Variants in MAST4 observed in about 807,000 individuals in gnomAD.
The protein encoded by MAST4 is microtubule-associated serine/threonine-protein kinase 4.
In MAST4, 89 loss-of-function variants were observed where a neutral mutation model predicts 162.7. The ratio of observed to expected loss-of-function variants is 0.55; its 90% CI spans 0.46 to 0.65. MAST4 has a LOEUF of 0.65. Ranked by LOEUF, MAST4 falls within the 30% of genes least tolerant of loss-of-function variation. MAST4 has a pLI of 0.00. For synonymous variants in MAST4, 1,479 were observed against 1,361.1 expected, an observed-to-expected ratio of 1.09 and a Z score of -1.91; for missense variants, 3,153 against 3,374.0, an observed-to-expected ratio of 0.93 and a Z score of 1.62.
Position 66,596,544 on chromosome 5 carries a change from G to C in MAST4, c.-112G>C. 8.1e-7 allele frequency: 1 copy of C among 1,227,064 alleles called. No individual in the cohort carries two copies. Among genetic ancestry groups the C allele is most frequent in the Non-Finnish European group, 1.0e-6 (1 of 970,554 alleles). 76.0% of individuals were successfully genotyped at this position (1,227,064 alleles called of 1,614,324 possible). On this transcript the variant is annotated 5_prime_UTR_variant, in exon 1 of 29. Coordinates refer to ENST00000403625, the MANE Select transcript of MAST4 (RefSeq NM_001164664.2). ...TCGCTGGCGGGGCTCCCTGCAGCCC[G>C]GGAGCGGCAGTGCCAGTGAGCCTGA...
At chr5:66,820,175 G>T (rs1328073206) in intron 3 of MAST4, among the ~76,000 whole-genome samples, 2 of 151,988 alleles carry the variant, frequency 1.3e-5, no homozygotes, top group African/African-American at 4.8e-5. Flanking sequence ...AATCTCTGAT[G>T]TAGTAGCTAT....
chr5:66,868,056 A>C (rs930192149), intron 3 of MAST4, among the ~76,000 whole-genome samples: 1 of 152,234 alleles, frequency 6.6e-6, no homozygotes, highest in African/African-American at 2.4e-5. Flanking sequence ...TATGTGAACA[A>C]ACCTGTTATA....
At position 67,118,696 on chromosome 5, in the gene MAST4, G is replaced by A. The variant is rs375086806; in HGVS notation, c.1606G>A (p.Gly536Arg). 191 of 1,572,266 alleles carry A rather than the reference G, an allele frequency of 1.2e-4. 1 individual carries two copies. The South Asian group carries it at 2.1e-3, about 17-fold the overall frequency. ...TTCCAACTTAGAAATGGCTCATTTGGGAAACTACGATAGTGGGACAGCAGA... is the reference window on the plus strand; with the variant it reads ...TTCCAACTTAGAAATGGCTCATTTGAGAAACTACGATAGTGGGACAGCAGA... ...KDPLEEMAHL[G>R]NYDSGTAETP... Residue 536 changes from glycine to arginine, a missense_variant, in exon 13 of 29, where the codon GGA becomes AGA. Gly to Arg is a moderately radical substitution (Grantham distance 125). This residue lies in a region of MAST4 where 360 missense variants were observed against 450.0 expected (regional missense o/e 0.80). Coordinates refer to ENST00000403625, the MANE Select transcript of MAST4 (RefSeq NM_001164664.2).
At chr5:66,709,377 G>T (rs956513554) in intron 1 of MAST4, among the ~76,000 whole-genome samples, 1 of 152,140 alleles carries the variant, frequency 6.6e-6, no homozygotes, top group Non-Finnish European at 1.5e-5. Flanking sequence ...GTGCAGAGGT[G>T]CAATCATAGC....
At chr5:67,026,741 T>A (rs1754696361) in intron 4 of MAST4, among the ~76,000 whole-genome samples, 1 of 152,158 alleles carries the variant, frequency 6.6e-6, no homozygotes, top group South Asian at 2.1e-4. Context: ...TAGGCACACT[T>A]CTGGAATATT....
intron 1 of MAST4, among the ~76,000 whole-genome samples, chr5:66,634,390 T>G (rs577869316): frequency 1.3e-5 from 2 of 152,316 alleles, no homozygotes; most frequent in South Asian, 2.1e-4. Flanking sequence ...ACATTGTTTT[T>G]CATGCATCTC....
intron 3 of MAST4, among the ~76,000 whole-genome samples, chr5:66,885,169 TTACTC>T (rs1384253741): frequency 1.3e-5 from 2 of 152,216 alleles, no homozygotes; most frequent in African/African-American, 2.4e-5. Context: ...GTCAATATGT[TTACTC>T]TACTTCACCA....
intron 17 of MAST4, among the ~76,000 whole-genome samples, chr5:67,133,969 G>A (rs1456284800): frequency 6.6e-6 from 1 of 152,150 alleles, no homozygotes; most frequent in Non-Finnish European, 1.5e-5. Flanking sequence ...GAGTACTTGT[G>A]AAACTCATGA....
intron 4 of MAST4, among the ~76,000 whole-genome samples, chr5:66,931,558 T>C (rs1301746890): frequency 1.3e-5 from 2 of 152,210 alleles, no homozygotes; most frequent in East Asian, 3.8e-4. Flanking sequence ...GAAGTTATTA[T>C]AGTTGTCACT....
intron 4 of MAST4, among the ~76,000 whole-genome samples, chr5:67,043,306 A>C (rs1177908795): frequency 6.6e-6 from 1 of 152,312 alleles, no homozygotes; most frequent in East Asian, 1.9e-4. Flanking sequence ...TATTATAATA[A>C]TTTAGTTGCT....
chr5:66,925,270 A>G (rs1764816067), intron 4 of MAST4, among the ~76,000 whole-genome samples: 1 of 152,176 alleles, frequency 6.6e-6, no homozygotes, highest in Non-Finnish European at 1.5e-5. Context: ...GACAGTTTTT[A>G]GTGGTCATGT....
intron 2 of MAST4, among the ~76,000 whole-genome samples, chr5:66,778,162 G>T (rs1754689947): frequency 6.6e-6 from 1 of 152,136 alleles, no homozygotes; most frequent in African/African-American, 2.4e-5. Context: ...TTGTTACCAT[G>T]TTCTCATTAG....
In MAST4 at chr5:67,008,218, A is replaced by G. The variant is rs564811888; in HGVS notation, c.675-46186A>G. On this transcript the variant is annotated intron_variant, in intron 4 of 28. Coordinates refer to ENST00000403625, the MANE Select transcript of MAST4 (RefSeq NM_001164664.2). ...ACCTAGGCATAAATGAAGAGACTTT[A>G]TACGAAAACTTGTTGCTTTAGACTG... Among the ~76,000 whole-genome samples the G allele has an allele frequency of 1.7e-3, 257 of 152,338 alleles. 2 individuals are homozygous for G. The highest frequency in any genetic ancestry group is 2.4e-3 in the Non-Finnish European group (160 of 68,022).
chr5:66,631,157 G>A (rs553820726), intron 1 of MAST4, among the ~76,000 whole-genome samples: 2 of 152,242 alleles, frequency 1.3e-5, no homozygotes, highest in African/African-American at 4.8e-5. Flanking sequence ...AGTTAGAATT[G>A]TGGATCAAAA....
At chr5:66,645,909 AT>A (rs1745800939) in intron 1 of MAST4, among the ~76,000 whole-genome samples, 1 of 151,556 alleles carries the variant, frequency 6.6e-6, no homozygotes, top group Non-Finnish European at 1.5e-5. Context: ...CAGATTTGAA[AT>A]TTTTTCCATC....
intron 3 of MAST4, among the ~76,000 whole-genome samples, chr5:66,823,338 T>C (rs1043828013): frequency 6.6e-6 from 1 of 152,222 alleles, no homozygotes; most frequent in Non-Finnish European, 1.5e-5. Context: ...AAGGGAGTTA[T>C]TTAACTTCTC....
intron 4 of MAST4, among the ~76,000 whole-genome samples, chr5:67,001,102 CAG>C (rs1198345252): frequency 1.3e-5 from 2 of 152,152 alleles, no homozygotes; most frequent in Non-Finnish European, 2.9e-5. Context: ...TAAGAATTTC[CAG>C]TAATCTCAGT....
intron 4 of MAST4, among the ~76,000 whole-genome samples, chr5:67,016,102 G>A (rs1378907376): frequency 6.6e-6 from 1 of 152,164 alleles, no homozygotes; most frequent in Non-Finnish European, 1.5e-5. Context: ...CAAAGAATTA[G>A]AGTAACATGC....
At chr5:67,004,265 G>A (rs1428960169) in intron 4 of MAST4, among the ~76,000 whole-genome samples, 1 of 152,078 alleles carries the variant, frequency 6.6e-6, no homozygotes, top group Non-Finnish European at 1.5e-5. Context: ...GGGGCTGGTG[G>A]GGGGTGGGGG....
Sources: allele counts gnomAD v4.1 joint callset (sites outside exome capture counted in the v4.1 genomes callset), GRCh38; gene constraint gnomAD v4.1.1; regional missense constraint gnomAD v4.1.1; transcripts MANE v1.5; gene names NCBI Gene and HGNC (gene_info 2026-07-23, HGNC 2026-07-21).